Variants in KIRREL3 observed in about 807,000 individuals in gnomAD.
The protein encoded by KIRREL3 is kirre like nephrin family adhesion molecule 3.
Under a neutral mutation model 89.7 loss-of-function variants are expected in KIRREL3, and 36 were observed. That is an observed-to-expected ratio of 0.40 (90% confidence interval 0.31 to 0.53). The LOEUF is 0.53. KIRREL3 is among the 20% of genes least tolerant of loss of function. The probability of loss-of-function intolerance (pLI) is 0.49; values close to 1 mark genes in which losing one functional copy is unlikely to be tolerated. For synonymous variants in KIRREL3, 445 were observed against 441.4 expected (o/e 1.01, Z -0.10); for missense variants, 864 against 1,056.6 (o/e 0.82, Z 2.53).
chr11:126,712,968 A>G (rs1397271769), intron 1 of KIRREL3, among the ~76,000 whole-genome samples: 5 of 150,770 alleles, frequency 3.3e-5, no homozygotes, highest in African/African-American at 1.2e-4. Context: ...TTAGGTGTTG[A>G]GTGTTGGGTG....
At position 126,522,051 on chromosome 11, in the gene KIRREL3, G is replaced by A. The variant is rs1958615438; in HGVS notation, c.284-587C>T. 6.6e-6 allele frequency among the ~76,000 whole-genome samples: 1 copy of A among 152,092 alleles called. No homozygotes were observed. The highest frequency in any genetic ancestry group is 1.5e-5 in the Non-Finnish European group (1 of 68,034). On this transcript the variant is annotated intron_variant, in intron 3 of 16. Coordinates refer to ENST00000525144, the MANE Select transcript of KIRREL3 (RefSeq NM_032531.4). This position sits in a 1 kb window ranked among gnomAD's most constrained non-coding sequence, Gnocchi z 6.0. ...GAGCCACCATGCCCGGCCATGTAAG[G>A]GTCTTGTTGGTTTCAAGTTTAGGAA...
intron 1 of KIRREL3, among the ~76,000 whole-genome samples, chr11:126,826,695 G>C (rs1943426997): frequency 6.6e-6 from 1 of 152,138 alleles, no homozygotes; most frequent in African/African-American, 2.4e-5. Flanking sequence ...CTGTGTTCTG[G>C]TCTGCAGCAA....
Position 126,479,950 on chromosome 11 carries a change from G to A in KIRREL3, c.434-6484C>T, listed in dbSNP as rs554965315. ...TTCTAGAATCTGCCAGTTGGGCCAA[G>A]TGTATAGGGCTTCTGTCTATGATCC... On this transcript the variant is annotated intron_variant, in intron 4 of 16. Coordinates refer to ENST00000525144, the MANE Select transcript of KIRREL3 (RefSeq NM_032531.4). 3.0e-4 allele frequency among the ~76,000 whole-genome samples: 45 copies of A among 152,320 alleles called. 3 individuals are homozygous for A. In the South Asian group the frequency reaches 9.1e-3, roughly 31 times the overall value.
chr11:126,967,945 A>C (rs967970611), intron 1 of KIRREL3, among the ~76,000 whole-genome samples: 1 of 152,208 alleles, frequency 6.6e-6, no homozygotes, highest in African/African-American at 2.4e-5. Context: ...TGTCAGATTT[A>C]TAGTAAGAGG....
At chr11:126,934,598 A>C (rs938165914) in intron 1 of KIRREL3, among the ~76,000 whole-genome samples, 1 of 152,222 alleles carries the variant, frequency 6.6e-6, no homozygotes, top group African/African-American at 2.4e-5. Context: ...AAATATAATA[A>C]TAAGTAAGTA....
chr11:126,470,405 C>T (rs113904735), intron 5 of KIRREL3, among the ~76,000 whole-genome samples: 8,077 of 152,268 alleles, frequency 0.053, 227 homozygotes, highest in Middle Eastern at 0.13. Flanking sequence ...GCCATCCCTC[C>T]CTCCCCCTGG....
In KIRREL3 at chr11:126,976,175, A is replaced by G. The variant is rs980083277; in HGVS notation, c.55+24280T>C. ...ATTGTTAGCTCATATTGAGATTTCA[A>G]TAAGATAACACTCCTCCAATTAAGA... is the stretch of plus-strand genomic sequence containing the variant. On this transcript the variant is annotated intron_variant, in intron 1 of 16. Coordinates refer to ENST00000525144, the MANE Select transcript of KIRREL3 (RefSeq NM_032531.4). The surrounding 1 kb of genome is among the most constrained non-coding windows in gnomAD (Gnocchi z 4.2). Among the ~76,000 whole-genome samples the G allele has an allele frequency of 2.0e-5, 3 of 152,120 alleles. No individual in the cohort carries two copies. The highest frequency in any genetic ancestry group is 4.4e-5 in the Non-Finnish European group (3 of 68,034).
At chr11:126,941,721 G>C (rs1948453214) in intron 1 of KIRREL3, among the ~76,000 whole-genome samples, 1 of 152,248 alleles carries the variant, frequency 6.6e-6, no homozygotes, top group South Asian at 2.1e-4. Context: ...AGTCTTCCCA[G>C]AGTGGGCTGG....
chr11:126,459,768 G>A lies in KIRREL3; in HGVS notation c.743-3314C>T, dbSNP rs979293254. 6.6e-6 allele frequency among the ~76,000 whole-genome samples: 1 copy of A among 152,252 alleles called. No homozygotes were observed. Among genetic ancestry groups the A allele is most frequent in the Non-Finnish European group, 1.5e-5 (1 of 68,020 alleles). On this transcript the variant is annotated intron_variant, in intron 6 of 16. Transcript: ENST00000525144. This position sits in a 1 kb window ranked among gnomAD's most constrained non-coding sequence, Gnocchi z 4.8. Reference sequence around the variant, plus strand: ...TTTTCAGGGGAAGTATTACATGGAGGAGAGGGTGGGAAAAGAGAGAATCTT... The same window carrying A: ...TTTTCAGGGGAAGTATTACATGGAGAAGAGGGTGGGAAAAGAGAGAATCTT...
intron 10 of KIRREL3, among the ~76,000 whole-genome samples, chr11:126,442,393 C>T (rs1955614839): frequency 6.6e-6 from 1 of 151,006 alleles, no homozygotes. Context: ...TAGGAATTCC[C>T]TGAGGGGTTT....
chr11:126,504,364 G>A (rs1442206949), intron 4 of KIRREL3, among the ~76,000 whole-genome samples: 3 of 152,184 alleles, frequency 2.0e-5, no homozygotes, highest in Admixed American at 1.3e-4. Flanking sequence ...AGATCCCATC[G>A]ATCCTCTATT....
intron 8 of KIRREL3, among the ~76,000 whole-genome samples, chr11:126,448,575 C>T (rs181083980): frequency 3.9e-5 from 6 of 152,296 alleles, no homozygotes; most frequent in Admixed American, 3.9e-4. Context: ...TTTGCAGGGG[C>T]AGGGGTTAGA....
Position 126,752,146 on chromosome 11 carries a change from G to A in KIRREL3, c.56-189234C>T, listed in dbSNP as rs888467589. ...GAACAATGATGATACCTGTCCCTGA[G>A]TTATGAAGACGGGGTAAGCTAATGT... is the stretch of plus-strand genomic sequence containing the variant. On this transcript the variant is annotated intron_variant, in intron 1 of 16. Transcript: ENST00000525144. This position sits in a 1 kb window ranked among gnomAD's most constrained non-coding sequence, Gnocchi z 4.8. 1.3e-5 allele frequency among the ~76,000 whole-genome samples: 2 copies of A among 152,188 alleles called. No individual in the cohort carries two copies. Among genetic ancestry groups the A allele is most frequent in the Non-Finnish European group, 2.9e-5 (2 of 68,044 alleles).
At chr11:126,922,171 CTA>C (rs1305794841) in intron 1 of KIRREL3, among the ~76,000 whole-genome samples, 9 of 147,668 alleles carry the variant, frequency 6.1e-5, no homozygotes, top group African/African-American at 2.0e-4. Context: ...ATCTATCTAT[CTA>C]TCTCTATCAT....
Position 126,656,325 on chromosome 11 carries a change from A to C in KIRREL3, c.56-93413T>G, listed in dbSNP as rs1591891461. Among the ~76,000 whole-genome samples the C allele has an allele frequency of 6.6e-6, 1 of 152,226 alleles. No homozygotes were observed. The highest frequency in any genetic ancestry group is 1.5e-5 in the Non-Finnish European group (1 of 68,040). On this transcript the variant is annotated intron_variant, in intron 1 of 16. Coordinates refer to ENST00000525144, the MANE Select transcript of KIRREL3 (RefSeq NM_032531.4). This position sits in a 1 kb window ranked among gnomAD's most constrained non-coding sequence, Gnocchi z 4.0. ...TCATTTGCAAAATAATTTAAATAAG[A>C]TAATATGTTGAAAACTCTTAGCACC... is the stretch of plus-strand genomic sequence containing the variant.
chr11:126,858,268 T>C (rs1453844710), intron 1 of KIRREL3, among the ~76,000 whole-genome samples: 1 of 152,206 alleles, frequency 6.6e-6, no homozygotes, highest in African/African-American at 2.4e-5. Flanking sequence ...AGCCTGTGAC[T>C]ATGAGAGGCC....
In KIRREL3 at chr11:126,441,324, A is replaced by G. The variant is rs1955554886; in HGVS notation, c.1253-775T>C. 6.6e-6 allele frequency among the ~76,000 whole-genome samples: 1 copy of G among 152,160 alleles called. No individual in the cohort carries two copies. Among genetic ancestry groups the G allele is most frequent in the Non-Finnish European group, 1.5e-5 (1 of 68,018 alleles). On this transcript the variant is annotated intron_variant, in intron 10 of 16. Transcript: ENST00000525144. The surrounding 1 kb of genome is among the most constrained non-coding windows in gnomAD (Gnocchi z 5.0). ...TGAGAGCGCCTGTCTCATTCACCACATTGCACAGCCAAGAGAGTTCACCTG... is the reference window on the plus strand; with the variant it reads ...TGAGAGCGCCTGTCTCATTCACCACGTTGCACAGCCAAGAGAGTTCACCTG...
rs1250782203 is a variant in KIRREL3 at position 126,651,015 on chromosome 11, C to T, written c.56-88103G>A. ...AATCCCTGATAAAACCATCAGATCT[C>T]ATGAGACACATTCACTTCCATGAGA... On this transcript the variant is annotated intron_variant, in intron 1 of 16. Transcript: ENST00000525144. This position sits in a 1 kb window ranked among gnomAD's most constrained non-coding sequence, Gnocchi z 4.6. Among the ~76,000 whole-genome samples the T allele has an allele frequency of 2.0e-5, 3 of 152,180 alleles. No individual in the cohort carries two copies. Among genetic ancestry groups the T allele is most frequent in the East Asian group, 3.9e-4 (2 of 5,184 alleles).
rs1419472397 is a variant in KIRREL3 at position 126,740,036 on chromosome 11, A to AAAGAAAGG, written c.56-177132_56-177125dup. On this transcript the variant is annotated intron_variant, in intron 1 of 16. Coordinates refer to ENST00000525144, the MANE Select transcript of KIRREL3 (RefSeq NM_032531.4). The surrounding 1 kb of genome is among the most constrained non-coding windows in gnomAD (Gnocchi z 6.0). ...GGGTGTATGGAGGGAGGGGGCAGAGAAAGAAAGGAAGAAAGAAAGAAACAG... is the reference window on the plus strand; with the variant it reads ...GGGTGTATGGAGGGAGGGGGCAGAGAAAGAAAGGAAGAAAGGAAGAAAGAAAGAAACAG... 2.0e-5 allele frequency among the ~76,000 whole-genome samples: 3 copies of AAAGAAAGG among 152,164 alleles called. No individual in the cohort carries two copies. The highest frequency in any genetic ancestry group is 2.9e-5 in the Non-Finnish European group (2 of 68,034).
Sources: gnomAD v4.1 joint callset for allele counts (sites outside exome capture counted in the v4.1 genomes callset) on GRCh38, gnomAD v4.1.1 for gene constraint, Gnocchi (gnomAD v3.1) non-coding constraint, MANE v1.5 for transcripts, NCBI Gene and HGNC (gene_info 2026-07-23, HGNC 2026-07-21) for gene names.